KIFAP3: variants seen among roughly 807,000 people sequenced by gnomAD.
The protein encoded by KIFAP3 is kinesin associated protein 3.
A neutral mutation model predicts 106.5 loss-of-function variants in KIFAP3; 68 were observed. That is an observed-to-expected ratio of 0.64 (90% CI 0.53 to 0.78). The LOEUF (loss-of-function observed/expected upper bound fraction) is 0.78, where lower values mean the gene tolerates loss of function less well. KIFAP3 is among the 30% of genes least tolerant of loss of function. KIFAP3 has a pLI of 0.00. For synonymous variants in KIFAP3, 320 were observed against 311.5 expected, an observed-to-expected ratio of 1.03 and a Z score of -0.29; for missense variants, 780 against 941.8, an observed-to-expected ratio of 0.83 and a Z score of 2.25.
At chr1:170,003,987 A>C (rs1211324348) in intron 10 of KIFAP3, among the ~76,000 whole-genome samples, 1 of 151,284 alleles carries the variant, frequency 6.6e-6, no homozygotes, top group Non-Finnish European at 1.5e-5. Flanking sequence ...AAATCTCCTT[A>C]AGCTGATAAG....
In KIFAP3 at chr1:170,046,825, G is replaced by A; in HGVS notation, c.206C>T (p.Ser69Phe). ...KSLNANTDIT[S>F]LARKVVEECK... Reference sequence around the variant, plus strand: ...TTCTTCAACCACCTTCCTTGCCAGGGAAGTTATATCTGTGTTGGCATTGAG... The same window carrying A: ...TTCTTCAACCACCTTCCTTGCCAGGAAAGTTATATCTGTGTTGGCATTGAG... Residue 69 changes from serine (S) to phenylalanine (F), a missense_variant, in exon 3 of 20, where the codon TCC (serine) becomes TTC (phenylalanine). This residue lies in a region of KIFAP3 where 588 missense variants were observed against 678.9 expected (regional missense o/e 0.87). Transcript: ENST00000361580. The A allele has an allele frequency of 6.2e-7, 1 of 1,610,586 alleles. No homozygotes were observed. The highest frequency in any genetic ancestry group is 1.1e-5 in the South Asian group (1 of 90,508).
chr1:169,950,334 T>A (rs148577113), intron 19 of KIFAP3, among the ~76,000 whole-genome samples: 32 of 152,294 alleles, frequency 2.1e-4, no homozygotes, highest in African/African-American at 7.2e-4. Flanking sequence ...CATATTGTTA[T>A]ACTTAAATCA....
Position 170,039,218 on chromosome 1 carries a change from T to C in KIFAP3, c.375+15A>G. ...AATCCAGTCCTCTATTAGATCAGAA[T>C]GCATGCAGTCTTACCTCCATTCCTT... On this transcript the variant is annotated intron_variant, in intron 4 of 19. Transcript: ENST00000361580. The C allele has an allele frequency of 6.5e-7, 1 of 1,531,210 alleles. No individual in the cohort carries two copies. The highest frequency in any genetic ancestry group is 9.0e-7 in the Non-Finnish European group (1 of 1,115,366). 94.9% of individuals were successfully genotyped at this position (1,531,210 alleles called of 1,614,324 possible).
intron 3 of KIFAP3, chr1:170,041,556 G>A (rs1360797467): frequency 1.5e-6 from 1 of 662,660 alleles, no homozygotes; most frequent in African/African-American, 1.8e-5. Context: ...GTAGGCATCT[G>A]CCTGTGGCTC....
chr1:169,954,162 T>C, intron 18 of KIFAP3, 52 bp from the exon 19 acceptor site: 1 of 1,048,790 alleles, frequency 9.5e-7, no homozygotes, highest in Non-Finnish European at 1.5e-6. Context: ...AGGAAAAACC[T>C]GTCTATCAAG....
intron 8 of KIFAP3, among the ~76,000 whole-genome samples, chr1:170,027,025 T>C (rs957095138): frequency 6.8e-6 from 1 of 147,808 alleles, no homozygotes; most frequent in African/African-American, 2.5e-5. Flanking sequence ...TTTTTTTTTT[T>C]TTTTTTTTTT....
At chr1:169,983,740 AAAAAC>A (rs1666649460) in intron 12 of KIFAP3, among the ~76,000 whole-genome samples, 2 of 151,906 alleles carry the variant, frequency 1.3e-5, no homozygotes, top group Admixed American at 6.6e-5. Flanking sequence ...TACAAATGTT[AAAAAC>A]AAAAATACTT....
chr1:169,962,178 T>A (rs1665375718), intron 17 of KIFAP3, among the ~76,000 whole-genome samples: 1 of 152,170 alleles, frequency 6.6e-6, no homozygotes, highest in Admixed American at 6.5e-5. Flanking sequence ...AAATTAATGA[T>A]CTTATCTTAT....
chr1:169,925,146 C>T (rs1014849978), intron 19 of KIFAP3, among the ~76,000 whole-genome samples: 3 of 152,028 alleles, frequency 2.0e-5, no homozygotes, highest in African/African-American at 7.2e-5. Context: ...GTGGTGTATC[C>T]CTCTAGACTA....
At chr1:169,991,112 G>A (rs1014230408) in intron 11 of KIFAP3, among the ~76,000 whole-genome samples, 13 of 152,040 alleles carry the variant, frequency 8.6e-5, no homozygotes, top group African/African-American at 2.9e-4. Context: ...GACAAGCGGG[G>A]GAAGATTACT....
At chr1:169,946,810 C>T (rs1022893572) in intron 19 of KIFAP3, among the ~76,000 whole-genome samples, 1 of 151,808 alleles carries the variant, frequency 6.6e-6, no homozygotes, top group African/African-American at 2.4e-5. Flanking sequence ...TAAGGTATTC[C>T]ACCTTCTTAA....
chr1:169,928,716 A>AAAAAAAAAAAAAAAAAAAAAAAAAAAAAG (rs1663290210), intron 19 of KIFAP3, among the ~76,000 whole-genome samples: 1 of 150,462 alleles, frequency 6.6e-6, no homozygotes, highest in East Asian at 1.9e-4. Flanking sequence ...AAAAAAAAAA[A>AAAAAAAAAAAAAAAAAAAAAAAAAAAAAG]AAAAATTAAA....
chr1:170,041,853 C>G, intron 3 of KIFAP3: 1 of 1,413,004 alleles, frequency 7.1e-7, no homozygotes, highest in Non-Finnish European at 9.3e-7. Context: ...GTAAAAAGGG[C>G]CCTGTTTAAG....
In KIFAP3 at chr1:169,982,784, G is replaced by A. The variant is rs1469777313; in HGVS notation, c.1590C>T (p.Asn530=). Residue 530 remains asparagine, a synonymous_variant, in exon 14 of 20, where the codon AAC becomes AAT. Coordinates refer to ENST00000361580, the MANE Select transcript of KIFAP3 (RefSeq NM_014970.4). The part of the protein sequence containing the change: ...FVIECLGTLA[N]LTIPDLDWEL... ...CCCAGTCTAAGTCTGGAATGGTCAA[G>A]TTTGCAAGAGTTCCCAAACATTCAA... The A allele has an allele frequency of 2.5e-6, 4 of 1,608,832 alleles. No homozygotes were observed. In the South Asian group the frequency reaches 4.4e-5, roughly 18 times the overall value.
At chr1:170,067,704 T>C (rs1557878238) in intron 1 of KIFAP3, 2 of 152,230 alleles carry the variant, frequency 1.3e-5, no homozygotes, top group Non-Finnish European at 2.9e-5. Context: ...TTTTAAACTC[T>C]TATCAGGATA....
In KIFAP3 at chr1:170,051,802, C is replaced by A. The variant is rs184405343; in HGVS notation, c.164+3503G>T. Among the ~76,000 whole-genome samples, 4 of 152,204 alleles carry A rather than the reference C, an allele frequency of 2.6e-5. No individual in the cohort carries two copies. The East Asian group carries it at 7.7e-4, about 29-fold the overall frequency. On this transcript the variant is annotated intron_variant, in intron 2 of 19. Transcript: ENST00000361580. The stretch of plus-strand genomic sequence containing the variant: ...AGAAGTTCTTTGAAACCAATGAGAA[C>A]AAAGAGACAACATACCAGAATCTCT...
At chr1:170,048,299 G>GAT (rs1255865855) in intron 2 of KIFAP3, among the ~76,000 whole-genome samples, 5 of 139,796 alleles carry the variant, frequency 3.6e-5, no homozygotes, top group Non-Finnish European at 7.8e-5. Flanking sequence ...TCCTTATTTG[G>GAT]GTTTTTTTTT....
At chr1:169,953,203 G>T (rs527382412) in intron 19 of KIFAP3, among the ~76,000 whole-genome samples, 1 of 152,088 alleles carries the variant, frequency 6.6e-6, no homozygotes, top group Non-Finnish European at 1.5e-5. Context: ...AATAAAGCTG[G>T]ATATATGCTG....
chr1:169,931,139 C>T (rs1383353809), intron 19 of KIFAP3, among the ~76,000 whole-genome samples: 1 of 152,000 alleles, frequency 6.6e-6, no homozygotes, highest in Non-Finnish European at 1.5e-5. Context: ...AGGCTAGTCT[C>T]GAACTCCTGA....
Sources: gnomAD v4.1 joint callset for allele counts (sites outside exome capture counted in the v4.1 genomes callset) on GRCh38, gnomAD v4.1.1 for gene constraint, gnomAD v4.1.1 regional missense constraint, MANE v1.5 for transcripts, NCBI Gene and HGNC (gene_info 2026-07-23, HGNC 2026-07-21) for gene names.